The following FRMPD1 variants were observed in gnomAD, a reference collection of about 807,000 sequenced individuals.
The protein encoded by FRMPD1 is FERM and PDZ domain containing 1, also known as FERM and PDZ domain-containing protein 1.
A neutral mutation model predicts 117.8 loss-of-function variants in FRMPD1; 76 were observed. The observed-to-expected ratio is 0.65, with a 90% confidence interval of 0.54 to 0.78. FRMPD1 has a LOEUF of 0.78. Among genes scored for constraint, FRMPD1 ranks in the 30% least tolerant of loss-of-function variants. The pLI, the probability that FRMPD1 is intolerant of heterozygous loss-of-function variation, is 0.00. For synonymous variants in FRMPD1, 783 were observed against 770.4 expected, an observed-to-expected ratio of 1.02 and a Z score of -0.27; for missense variants, 1,786 against 1,964.5, an observed-to-expected ratio of 0.91 and a Z score of 1.72.
the FRMPD1 span, among the ~76,000 whole-genome samples, chr9:37,607,128 A>G: frequency 9.2e-5 from 14 of 152,282 alleles, no homozygotes; most frequent in Non-Finnish European, 1.5e-4. Context: ...CAGCCTGGCC[A>G]ACGTGGAGAA....
chr9:37,636,881 T>C, the FRMPD1 span: 2 of 1,611,186 alleles, frequency 1.2e-6, no homozygotes, highest in Middle Eastern at 1.7e-4. Context: ...GTCTGCAAAC[T>C]CCTTGGCTGT....
the FRMPD1 span, among the ~76,000 whole-genome samples, chr9:37,635,178 TG>T: frequency 6.6e-6 from 1 of 152,218 alleles, no homozygotes; most frequent in East Asian, 1.9e-4. Flanking sequence ...GCATTGTCCA[TG>T]TATTGGCTGT....
intron 2 of FRMPD1, among the ~76,000 whole-genome samples, chr9:37,696,463 A>G (rs1211566215): frequency 1.3e-5 from 2 of 152,324 alleles, no homozygotes; most frequent in Non-Finnish European, 1.5e-5. Flanking sequence ...CGGACATTCA[A>G]TAAATTTTTA....
intron 6 of FRMPD1, among the ~76,000 whole-genome samples, chr9:37,721,341 G>C (rs1441265320): frequency 6.6e-6 from 1 of 152,146 alleles, no homozygotes; most frequent in African/African-American, 2.4e-5. Flanking sequence ...TTTCCCCTTG[G>C]AACATGATAA....
the FRMPD1 span, among the ~76,000 whole-genome samples, chr9:37,645,508 C>T: frequency 1.3e-5 from 2 of 152,008 alleles, no homozygotes; most frequent in African/African-American, 4.8e-5. Context: ...CCTGCCCTAC[C>T]ACTAAAAAAA....
At chr9:37,651,837 C>CT (rs1194254402) in intron 1 of FRMPD1, among the ~76,000 whole-genome samples, 1 of 152,248 alleles carries the variant, frequency 6.6e-6, no homozygotes, top group Non-Finnish European at 1.5e-5. Context: ...TTCGCTGTCT[C>CT]TTTCAGCTGT....
chr9:37,698,665 G>A (rs149129916), intron 2 of FRMPD1, among the ~76,000 whole-genome samples: 1 of 144,278 alleles, frequency 6.9e-6, no homozygotes, highest in Non-Finnish European at 1.5e-5. Flanking sequence ...GGGTTCAAGA[G>A]ATTCTCCTGC....
At chr9:37,617,843 G>A in the FRMPD1 span, among the ~76,000 whole-genome samples, 2 of 152,190 alleles carry the variant, frequency 1.3e-5, no homozygotes, top group Non-Finnish European at 2.9e-5. Flanking sequence ...CCTGCCTAAA[G>A]TGACTCTGAG....
intron 5 of FRMPD1, among the ~76,000 whole-genome samples, chr9:37,717,570 G>A (rs975336081): frequency 6.6e-5 from 10 of 151,834 alleles, no homozygotes; most frequent in Admixed American, 1.3e-4. Context: ...AATAGAGATG[G>A]GGTTTCGCCA....
chr9:37,654,892 G>A (rs1378337134), intron 1 of FRMPD1, among the ~76,000 whole-genome samples: 2 of 152,222 alleles, frequency 1.3e-5, no homozygotes, highest in Non-Finnish European at 1.5e-5. Context: ...GGATCAGGCC[G>A]AGTGGTGTGG....
the FRMPD1 span, among the ~76,000 whole-genome samples, chr9:37,637,917 A>G: frequency 1.4e-5 from 2 of 145,114 alleles, no homozygotes; most frequent in Admixed American, 6.9e-5. Context: ...AATAACCCAC[A>G]ACAACGGTGG....
chr9:37,729,348 A>G (rs902590497), intron 7 of FRMPD1, among the ~76,000 whole-genome samples: 1 of 134,540 alleles, frequency 7.4e-6, no homozygotes, highest in African/African-American at 2.8e-5. Context: ...ACGCCACTGC[A>G]CTCCAGCCTG....
At chr9:37,615,451 C>G in the FRMPD1 span, among the ~76,000 whole-genome samples, 1 of 152,092 alleles carries the variant, frequency 6.6e-6, no homozygotes, top group Non-Finnish European at 1.5e-5. Context: ...TCTGATTGAG[C>G]TTTTCTTCTT....
upstream of FRMPD1, among the ~76,000 whole-genome samples, chr9:37,647,576 T>C (rs183492495): frequency 2.2e-3 from 333 of 151,784 alleles, 3 homozygotes; most frequent in African/African-American, 7.6e-3. Context: ...TTGAGAAACA[T>C]ATATACTTTA....
At chr9:37,658,310 C>T (rs375155500) in intron 1 of FRMPD1, among the ~76,000 whole-genome samples, 2 of 152,276 alleles carry the variant, frequency 1.3e-5, no homozygotes, top group East Asian at 1.9e-4. Context: ...TGGGCCACTA[C>T]GGAACTGCAT....
At chr9:37,659,833 C>T (rs1820943523) in intron 1 of FRMPD1, among the ~76,000 whole-genome samples, 1 of 150,892 alleles carries the variant, frequency 6.6e-6, no homozygotes, top group Non-Finnish European at 1.5e-5. Flanking sequence ...CTTCTGGGCT[C>T]TCCAAATGCA....
intron 2 of FRMPD1, among the ~76,000 whole-genome samples, chr9:37,695,167 A>C (rs1822276550): frequency 6.6e-6 from 1 of 152,204 alleles, no homozygotes. Context: ...TCCTGAGTAT[A>C]TACTTAGGAG....
chr9:37,652,390 C>T (rs142952554), intron 1 of FRMPD1, among the ~76,000 whole-genome samples: 1 of 152,324 alleles, frequency 6.6e-6, no homozygotes, highest in Admixed American at 6.5e-5. Flanking sequence ...CTGTGATATG[C>T]TAGAAAGTGA....
rs759497249 is a variant in FRMPD1 at position 37,740,299 on chromosome 9, G to A, written c.1771G>A (p.Asp591Asn). Residue 591 changes from aspartate (D) to asparagine (N), a missense_variant, in exon 15 of 16, where the codon GAC becomes AAC. Coordinates refer to ENST00000377765, the MANE Select transcript of FRMPD1 (RefSeq NM_014907.3). The surrounding 1 kb of genome is among the most constrained non-coding windows in gnomAD (Gnocchi z 4.2). The stretch of plus-strand genomic sequence containing the variant: ...AGACAGTGCCGAGTCCGAGGCGTCC[G>A]ACTCAGCCAACACTGAGAGCCGCGG... ...TTDSAESEAS[D>N]SANTESRGYR... The A allele has an allele frequency of 1.1e-5, 18 of 1,613,682 alleles. No individual in the cohort carries two copies. Among genetic ancestry groups the A allele is most frequent in the Admixed American group, 5.0e-5 (3 of 60,004 alleles).
Sources: allele counts gnomAD v4.1 joint callset (sites outside exome capture counted in the v4.1 genomes callset), GRCh38; gene constraint gnomAD v4.1.1; non-coding constraint Gnocchi (gnomAD v3.1); transcripts MANE v1.5; gene names NCBI Gene and HGNC (gene_info 2026-07-23, HGNC 2026-07-21).